MALRD1: variants seen among roughly 807,000 people sequenced by gnomAD.
MALRD1 encodes MAM and LDL receptor class A domain containing 1.
A neutral mutation model predicts 242.1 loss-of-function variants in MALRD1; 247 were observed. The observed-to-expected ratio is 1.02, with a 90% CI of 0.92 to 1.13. The LOEUF is 1.13. MALRD1 is among the 50% of genes most tolerant of loss of function. The pLI is 0.00. For missense variants in MALRD1, 2,989 were observed against 2,533.1 expected, an observed-to-expected ratio of 1.18 and a Z score of -3.86; for synonymous variants, 995 against 866.6, an observed-to-expected ratio of 1.15 and a Z score of -2.60.
intron 31 of MALRD1, among the ~76,000 whole-genome samples, chr10:19,503,358 A>G (rs1001219392): frequency 1.3e-5 from 2 of 152,196 alleles, no homozygotes; most frequent in Non-Finnish European, 2.9e-5. Context: ...TTAAAATTGT[A>G]TTTATGGACC....
chr10:19,216,490 CCT>C (rs895766559), intron 18 of MALRD1, among the ~76,000 whole-genome samples: 4 of 152,106 alleles, frequency 2.6e-5, no homozygotes, highest in Non-Finnish European at 4.4e-5. Flanking sequence ...CTCCCCACTC[CCT>C]GTTTCCTTCC....
intron 26 of MALRD1, among the ~76,000 whole-genome samples, chr10:19,376,589 C>A (rs1588986457): frequency 8.1e-6 from 1 of 124,074 alleles, no homozygotes; most frequent in South Asian, 2.6e-4. Context: ...GAGCCTTGCT[C>A]CTATTGCCCA....
Position 19,450,325 on chromosome 10 carries a change from A to G in MALRD1, c.4864A>G (p.Lys1622Glu), listed in dbSNP as rs1835250743. Residue 1622 changes from lysine to glutamate, a missense_variant, in exon 29 of 40, where the codon AAA (lysine) becomes GAA (glutamate). Physicochemically the swap from Lys to Glu is moderately conservative, Grantham distance 56 (BLOSUM62 1). Transcript: ENST00000454679. Reference protein sequence around the residue: ...ILIKTEKGLSKVWQESKQNPG... With the variant: ...ILIKTEKGLSEVWQESKQNPG... ...CTTTCAGACAGAGAAAGGACTATCA[A>G]AAGTATGGCAAGAAAGTAAGCAGAA... 3.9e-6 allele frequency: 6 copies of G among 1,548,474 alleles called. No homozygotes were observed. The highest frequency in any genetic ancestry group is 5.2e-6 in the Non-Finnish European group (6 of 1,146,772).
chr10:19,427,924 TGTA>T (rs1381797686), intron 28 of MALRD1, among the ~76,000 whole-genome samples: 1 of 152,174 alleles, frequency 6.6e-6, no homozygotes, highest in Non-Finnish European at 1.5e-5. Context: ...GAGAAGCTTA[TGTA>T]TGTTGCATAT....
chr10:19,104,240 A>G (rs1836384138), intron 5 of MALRD1, among the ~76,000 whole-genome samples, 165 bp downstream of exon 5: 1 of 152,202 alleles, frequency 6.6e-6, no homozygotes. Flanking sequence ...CTATACTGGG[A>G]GTGAAGTTTG....
At chr10:19,384,661 T>A (rs1432427524) in intron 26 of MALRD1, among the ~76,000 whole-genome samples, 57 of 134,632 alleles carry the variant, frequency 4.2e-4, no homozygotes, top group Non-Finnish European at 5.6e-4. Flanking sequence ...AATATAATAT[T>A]TACTATATAT....
intron 21 of MALRD1, among the ~76,000 whole-genome samples, chr10:19,305,300 G>T (rs1842117788): frequency 6.6e-6 from 1 of 151,550 alleles, no homozygotes; most frequent in African/African-American, 2.4e-5. Context: ...TGTTGTAATA[G>T]AAAATACTTT....
At chr10:19,280,524 G>C (rs1452111939) in intron 20 of MALRD1, among the ~76,000 whole-genome samples, 1 of 152,066 alleles carries the variant, frequency 6.6e-6, no homozygotes, top group Non-Finnish European at 1.5e-5. Context: ...CATTCCCTTT[G>C]ATCTGTACTC....
chr10:19,489,253 A>G, intron 29 of MALRD1: 1 of 479,680 alleles, frequency 2.1e-6, no homozygotes, highest in South Asian at 1.5e-5. Context: ...AAAAAGCACA[A>G]ACAAAAGGGA....
At chr10:19,622,662 A>G (rs1426998715) in intron 36 of MALRD1, among the ~76,000 whole-genome samples, 1 of 149,690 alleles carries the variant, frequency 6.7e-6, no homozygotes, top group African/African-American at 2.5e-5. Context: ...AAAAAAAAAC[A>G]AACTATGAGA....
intron 28 of MALRD1, among the ~76,000 whole-genome samples, chr10:19,415,300 A>T (rs1833471901): frequency 6.6e-6 from 1 of 152,182 alleles, no homozygotes; most frequent in South Asian, 2.1e-4. Flanking sequence ...TTAGTATAAG[A>T]CTTGTATTCA....
intron 33 of MALRD1, among the ~76,000 whole-genome samples, chr10:19,569,394 A>T (rs1836405296): frequency 6.6e-6 from 1 of 151,842 alleles, no homozygotes; most frequent in Non-Finnish European, 1.5e-5. Flanking sequence ...ATTTTGTGAT[A>T]AATTCCTTTA....
At chr10:19,190,026 T>C (rs1835904177) in intron 14 of MALRD1, among the ~76,000 whole-genome samples, 1 of 152,022 alleles carries the variant, frequency 6.6e-6, no homozygotes, top group Admixed American at 6.6e-5. Context: ...ATAAAAGTCA[T>C]ACAAATTGGA....
At chr10:19,635,743 A>C (rs1017731961) in intron 36 of MALRD1, among the ~76,000 whole-genome samples, 1 of 152,214 alleles carries the variant, frequency 6.6e-6, no homozygotes, top group South Asian at 2.1e-4. Context: ...ATAAATTTGC[A>C]TAAAATAACC....
intron 18 of MALRD1, among the ~76,000 whole-genome samples, chr10:19,237,042 A>G (rs928609847): frequency 6.6e-6 from 1 of 152,036 alleles, no homozygotes; most frequent in Non-Finnish European, 1.5e-5. Context: ...ATAGGATACA[A>G]TTTGATGTTT....
chr10:19,538,199 TC>T (rs1251639664), intron 32 of MALRD1, among the ~76,000 whole-genome samples: 1 of 152,198 alleles, frequency 6.6e-6, no homozygotes, highest in African/African-American at 2.4e-5. Context: ...ATCTCAGCCT[TC>T]AAAGTAGAGG....
chr10:19,272,591 G>A (rs1392894157), intron 19 of MALRD1, among the ~76,000 whole-genome samples: 1 of 152,120 alleles, frequency 6.6e-6, no homozygotes, highest in African/African-American at 2.4e-5. Context: ...AGGTATACAT[G>A]TGCCATGGTG....
chr10:19,178,785 G>C (rs1295975362), intron 14 of MALRD1, among the ~76,000 whole-genome samples: 2 of 152,162 alleles, frequency 1.3e-5, no homozygotes, highest in East Asian at 3.8e-4. Context: ...AGGAAGATAC[G>C]CGATTTTCCA....
intron 29 of MALRD1, among the ~76,000 whole-genome samples, chr10:19,479,726 A>G (rs1465951179): frequency 6.6e-6 from 1 of 152,154 alleles, no homozygotes; most frequent in African/African-American, 2.4e-5. Context: ...TCTCCTATCC[A>G]TTTTACAGCA....
Sources: allele counts gnomAD v4.1 joint callset (sites outside exome capture counted in the v4.1 genomes callset), GRCh38; gene constraint gnomAD v4.1.1; transcripts MANE v1.5; gene names NCBI Gene and HGNC (gene_info 2026-07-23, HGNC 2026-07-21).